The following CISD1 variants were observed in gnomAD, a reference collection of about 807,000 sequenced individuals.
The protein encoded by CISD1 is CDGSH iron-sulfur domain-containing protein 1.
CISD1 carries 8 observed loss-of-function variants against 12.0 expected under a neutral mutation model. The ratio of observed to expected loss-of-function variants is 0.67; its 90% CI spans 0.39 to 1.20. The LOEUF is 1.20. CISD1 is among the 50% of genes most tolerant of loss of function. The pLI is 0.01. For missense variants in CISD1, 107 were observed against 132.7 expected (o/e 0.81, Z 0.95); for synonymous variants, 38 against 42.2 (o/e 0.90, Z 0.39).
At position 58,288,336 on chromosome 10, in the gene CISD1, A is replaced by G. The variant is rs1441190556; in HGVS notation, c.*686A>G. The G allele has an allele frequency of 2.0e-5, 3 of 152,350 alleles. No homozygotes were observed. Among genetic ancestry groups the G allele is most frequent in the Non-Finnish European group, 1.5e-5 (1 of 68,012 alleles). 9.4% of individuals were successfully genotyped at this position (152,350 alleles called of 1,614,324 possible). On this transcript the variant is annotated 3_prime_UTR_variant, in exon 3 of 3. Transcript: ENST00000333926. ...TAGTGAAAATTTAGTTAAAGGTGAT[A>G]TTAGATTTAAATTAGTCATGAAGAA...
chr10:58,269,397 G>T (rs1463153709), intron 1 of CISD1, 93 bp downstream of exon 1: 6 of 1,174,158 alleles, frequency 5.1e-6, no homozygotes, highest in Non-Finnish European at 7.3e-6. Flanking sequence ...TGCCCTACGC[G>T]CCCGCCGGTC....
intron 2 of CISD1, among the ~76,000 whole-genome samples, chr10:58,282,018 G>A (rs1240015590): frequency 6.6e-6 from 1 of 151,238 alleles, no homozygotes; most frequent in Non-Finnish European, 1.5e-5. Context: ...CTGGAGTACA[G>A]TGTCGTGATC....
chr10:58,270,872 A>T (rs1331913866), intron 1 of CISD1, among the ~76,000 whole-genome samples: 1 of 152,102 alleles, frequency 6.6e-6, no homozygotes, highest in Non-Finnish European at 1.5e-5. Flanking sequence ...AGGAGGAGTG[A>T]TTATTTTTTG....
At chr10:58,279,905 G>A (rs1839355529) in intron 2 of CISD1, among the ~76,000 whole-genome samples, 1 of 152,208 alleles carries the variant, frequency 6.6e-6, no homozygotes, top group African/African-American at 2.4e-5. Flanking sequence ...GCCAAGGCAG[G>A]AGGATCACTT....
At chr10:58,271,630 G>A (rs902881957) in intron 1 of CISD1, among the ~76,000 whole-genome samples, 3 of 152,148 alleles carry the variant, frequency 2.0e-5, no homozygotes, top group Middle Eastern at 3.2e-3. Flanking sequence ...AAATGAATTT[G>A]TAATTATAAA....
At chr10:58,269,970 A>G (rs935378236) in intron 1 of CISD1, among the ~76,000 whole-genome samples, 2 of 152,176 alleles carry the variant, frequency 1.3e-5, no homozygotes, top group African/African-American at 4.8e-5. Flanking sequence ...GTCCCGTTAT[A>G]ATAAAATTAA....
intron 2 of CISD1, among the ~76,000 whole-genome samples, chr10:58,278,224 A>G (rs998705181): frequency 2.0e-5 from 3 of 152,178 alleles, no homozygotes; most frequent in East Asian, 1.9e-4. Flanking sequence ...ACACTGTACT[A>G]TCACTCTTAG....
At position 58,269,184 on chromosome 10, in the gene CISD1, A is replaced by G; in HGVS notation, c.-90A>G. The G allele has an allele frequency of 1.4e-6, 2 of 1,394,620 alleles. No homozygotes were observed. The highest frequency in any genetic ancestry group is 2.3e-5 in the East Asian group (1 of 43,648). 86.4% of individuals were successfully genotyped at this position (1,394,620 alleles called of 1,614,324 possible). A position where few individuals can be genotyped will look rare whatever the true frequency, so the allele number is the denominator to read the frequency against. ...GGTAGCATCGCGGAGTCGGTGCTTT[A>G]GTACGCCGCTGGCACCTTTACTCTC... On this transcript the variant is annotated 5_prime_UTR_variant, in exon 1 of 3. Coordinates refer to ENST00000333926, the MANE Select transcript of CISD1 (RefSeq NM_018464.5).
intron 2 of CISD1, among the ~76,000 whole-genome samples, 170 bp from the exon 3 acceptor site, chr10:58,287,391 C>A (rs994383594): frequency 6.6e-6 from 1 of 152,164 alleles, no homozygotes; most frequent in Admixed American, 6.5e-5. Context: ...AAGTCAATTT[C>A]TTCATCTTAC....
chr10:58,281,129 G>C (rs190859009), intron 2 of CISD1, among the ~76,000 whole-genome samples: 1 of 152,272 alleles, frequency 6.6e-6, no homozygotes, highest in Admixed American at 6.5e-5. Flanking sequence ...AACTAAATAT[G>C]GGCTTTCATG....
intron 2 of CISD1, among the ~76,000 whole-genome samples, chr10:58,285,216 T>A (rs1839415565): frequency 6.6e-6 from 1 of 152,228 alleles, no homozygotes; most frequent in Non-Finnish European, 1.5e-5. Flanking sequence ...AGAATTTATA[T>A]CTGGAAATAT....
chr10:58,278,673 AT>A (rs1381571073), intron 2 of CISD1, among the ~76,000 whole-genome samples: 1 of 152,250 alleles, frequency 6.6e-6, no homozygotes, highest in Non-Finnish European at 1.5e-5. Context: ...ATTTTCGCAA[AT>A]AACTTGTCAC....
At position 58,277,122 on chromosome 10, in the gene CISD1, T is replaced by C. The variant is rs1211574734; in HGVS notation, c.37T>C (p.Trp13Arg). ...GTTTTCCTTCCCTGCTCTAGTTGAA[T>C]GGATCGCAGCAGTTACCATTGCTGC... ...LTSSSSVRVE[W>R]IAAVTIAAGT... Residue 13 changes from tryptophan to arginine, a missense_variant, in exon 2 of 3, where the codon TGG becomes CGG. Trp to Arg is a moderately radical substitution (Grantham distance 101). Coordinates refer to ENST00000333926, the MANE Select transcript of CISD1 (RefSeq NM_018464.5). 1.3e-6 allele frequency: 2 copies of C among 1,589,076 alleles called. No individual in the cohort carries two copies. The highest frequency in any genetic ancestry group is 1.7e-6 in the Non-Finnish European group (2 of 1,166,592).
At chr10:58,275,066 T>C (rs1201919790) in intron 1 of CISD1, among the ~76,000 whole-genome samples, 2 of 152,230 alleles carry the variant, frequency 1.3e-5, no homozygotes, top group Non-Finnish European at 2.9e-5. Flanking sequence ...TGAAGTACTT[T>C]ATAATTCACC....
chr10:58,278,792 C>A (rs576778439), intron 2 of CISD1, among the ~76,000 whole-genome samples: 1 of 152,052 alleles, frequency 6.6e-6, no homozygotes, highest in Non-Finnish European at 1.5e-5. Context: ...TGACATGACA[C>A]CACAAGTGGA....
chr10:58,275,240 A>G (rs1258955292), intron 1 of CISD1, among the ~76,000 whole-genome samples: 1 of 152,238 alleles, frequency 6.6e-6, no homozygotes, highest in African/African-American at 2.4e-5. Flanking sequence ...TGTGATAGGT[A>G]CATTAGCTAT....
At chr10:58,269,444 CCGGCTG>C in intron 1 of CISD1, 140 bp downstream of exon 1, 1 of 757,392 alleles carries the variant, frequency 1.3e-6, no homozygotes, top group Non-Finnish European at 2.1e-6. Context: ...AGCGCTCGGC[CCGGCTG>C]CGGGCTCCGG....
chr10:58,270,618 C>G (rs945866882), intron 1 of CISD1, among the ~76,000 whole-genome samples: 1 of 152,122 alleles, frequency 6.6e-6, no homozygotes, highest in Non-Finnish European at 1.5e-5. Flanking sequence ...GAACACTAAA[C>G]TCTATTTAGG....
At chr10:58,270,207 A>T (rs1357801740) in intron 1 of CISD1, among the ~76,000 whole-genome samples, 3 of 152,226 alleles carry the variant, frequency 2.0e-5, no homozygotes, top group Non-Finnish European at 4.4e-5. Flanking sequence ...CAGGTAATAA[A>T]AAGTCCCTAC....
Sources: gnomAD v4.1 joint callset for allele counts (sites outside exome capture counted in the v4.1 genomes callset) on GRCh38, gnomAD v4.1.1 for gene constraint, MANE v1.5 for transcripts, NCBI Gene and HGNC (gene_info 2026-07-23, HGNC 2026-07-21) for gene names.